Variants in TRIM33 observed in about 807,000 individuals in gnomAD.
TRIM33 encodes E3 ubiquitin-protein ligase TRIM33.
TRIM33 carries 20 observed loss-of-function variants against 125.4 expected under a neutral mutation model. That is an observed-to-expected ratio of 0.16 (90% CI 0.11 to 0.23). The LOEUF (loss-of-function observed/expected upper bound fraction) is 0.23. Among genes scored for constraint, TRIM33 ranks in the 10% least tolerant of loss-of-function variants. The probability of loss-of-function intolerance (pLI) is 1.00; values close to 1 mark genes in which losing one functional copy is unlikely to be tolerated. For synonymous variants in TRIM33, 564 were observed against 513.9 expected (o/e 1.10, Z -1.32); for missense variants, 920 against 1,411.4 (o/e 0.65, Z 5.58).
At position 114,397,558 on chromosome 1, in the gene TRIM33, G is replaced by C. The variant is rs1166155094; in HGVS notation, c.*90C>G. 8 of 963,984 alleles carry C rather than the reference G, an allele frequency of 8.3e-6. No individual in the cohort carries two copies. Among genetic ancestry groups the C allele is most frequent in the Non-Finnish European group, 1.2e-5 (8 of 647,962 alleles). 59.7% of individuals were successfully genotyped at this position (963,984 alleles called of 1,614,324 possible). On this transcript the variant is annotated 3_prime_UTR_variant, in exon 20 of 20. Coordinates refer to ENST00000358465, the MANE Select transcript of TRIM33 (RefSeq NM_015906.4). ...TGCCCACTGTAGGCAGGATATTCCA[G>C]CAACACTTAAAAGTTTTCTGGGTTT... is the stretch of plus-strand genomic sequence containing the variant.
Position 114,510,937 on chromosome 1 carries a change from T to C in TRIM33, c.140A>G (p.Glu47Gly). Residue 47 changes from glutamate to glycine, a missense_variant, in exon 1 of 20, where the codon GAG becomes GGG. This residue lies in a region of TRIM33 where 233 missense variants were observed against 189.6 expected (regional missense o/e 1.23). Coordinates refer to ENST00000358465, the MANE Select transcript of TRIM33 (RefSeq NM_015906.4). Reference protein sequence around the residue: ...PLTAVLVEEEEEEGGRAGAEG... With the variant: ...PLTAVLVEEEGEEGGRAGAEG... ...AGCGCCGGCCCTGCCGCCTTCCTCC[T>C]CCTCCTCCTCCACCAGCACCGCGGT... The C allele has an allele frequency of 7.1e-7, 1 of 1,418,116 alleles. No homozygotes were observed. 87.8% of individuals were successfully genotyped at this position (1,418,116 alleles called of 1,614,324 possible). A position where few individuals can be genotyped will look rare whatever the true frequency, so the allele number is the denominator to read the frequency against.
At chr1:114,441,309 AAGTATGT>A (rs1305221594) in intron 4 of TRIM33, among the ~76,000 whole-genome samples, 1 of 152,172 alleles carries the variant, frequency 6.6e-6, no homozygotes, top group Non-Finnish European at 1.5e-5. Flanking sequence ...AAAAATAAAA[AAGTATGT>A]AGTCATTATT....
intron 4 of TRIM33, among the ~76,000 whole-genome samples, chr1:114,453,355 CTG>C (rs1273888983): frequency 6.8e-6 from 1 of 146,388 alleles, no homozygotes; most frequent in Non-Finnish European, 1.5e-5. Context: ...CAGAGAGAGT[CTG>C]TCTCAGGAAA....
chr1:114,436,187 G>C (rs1648280020), intron 4 of TRIM33, among the ~76,000 whole-genome samples: 1 of 151,506 alleles, frequency 6.6e-6, no homozygotes, highest in African/African-American at 2.4e-5. Flanking sequence ...TGGATAACGA[G>C]GTCAGGAGAT....
At chr1:114,482,485 G>T (rs906521384) in intron 1 of TRIM33, among the ~76,000 whole-genome samples, 1 of 152,154 alleles carries the variant, frequency 6.6e-6, no homozygotes, top group African/African-American at 2.4e-5. Flanking sequence ...GAGATGGGGG[G>T]AGATAGAGAA....
At chr1:114,503,073 A>C (rs1652803416) in intron 1 of TRIM33, among the ~76,000 whole-genome samples, 1 of 152,226 alleles carries the variant, frequency 6.6e-6, no homozygotes, top group African/African-American at 2.4e-5. Flanking sequence ...CATTGTGTGG[A>C]TATTTTTCTT....
intron 4 of TRIM33, among the ~76,000 whole-genome samples, chr1:114,454,673 T>TAA (rs34493715): frequency 0.049 from 6,486 of 131,990 alleles, 187 homozygotes; most frequent in African/African-American, 0.077. Flanking sequence ...AAGACTCCTC[T>TAA]AAAAAAAAAA....
chr1:114,431,655 T>C (rs1187162096), intron 5 of TRIM33, among the ~76,000 whole-genome samples: 8 of 152,218 alleles, frequency 5.3e-5, no homozygotes, highest in Admixed American at 5.2e-4. Flanking sequence ...TTATACATTC[T>C]ACTTCTGTAA....
At chr1:114,413,118 C>A (rs1652693743) in intron 11 of TRIM33, among the ~76,000 whole-genome samples, 2 of 152,162 alleles carry the variant, frequency 1.3e-5, no homozygotes, top group Admixed American at 1.3e-4. Context: ...ATGATCTTAA[C>A]ATCTTTTCAC....
Position 114,409,768 on chromosome 1 carries a change from G to A in TRIM33, c.2194+416C>T, listed in dbSNP as rs1230794. Among the ~76,000 whole-genome samples, 506 of 152,282 alleles carry A rather than the reference G, an allele frequency of 3.3e-3. 3 individuals are homozygous for A. The highest frequency in any genetic ancestry group is 0.011 in the African/African-American group (470 of 41,566). On this transcript the variant is annotated intron_variant, in intron 12 of 19. Transcript: ENST00000358465. ...GTTTGGCCAAACATCAGTATAGATG[G>A]TACTGTGAAGGTATTTTTTTAGATG...
At chr1:114,478,663 A>G (rs1024702194) in intron 1 of TRIM33, among the ~76,000 whole-genome samples, 5 of 152,332 alleles carry the variant, frequency 3.3e-5, no homozygotes, top group Non-Finnish European at 7.3e-5. Context: ...GCCTCAACAA[A>G]TAAGAAGTCT....
chr1:114,425,307 A>G (rs1647492556), intron 9 of TRIM33, 142 bp downstream of exon 9: 1 of 1,133,280 alleles, frequency 8.8e-7, no homozygotes, highest in Non-Finnish European at 1.3e-6. Flanking sequence ...CATCATAACC[A>G]TAGCAAATAT....
intron 5 of TRIM33, among the ~76,000 whole-genome samples, chr1:114,431,714 G>A (rs1464294877): frequency 2.0e-5 from 3 of 152,150 alleles, no homozygotes; most frequent in Non-Finnish European, 4.4e-5. Context: ...CATTTGCCAA[G>A]TTCGAATTTA....
rs2101066155 is a variant in TRIM33 at position 114,394,956 on chromosome 1, CT to C, written c.*2691del. The C allele has an allele frequency of 5.1e-6, 1 of 195,910 alleles. No individual in the cohort carries two copies. Among genetic ancestry groups the C allele is most frequent in the East Asian group, 8.0e-5 (1 of 12,456 alleles). The allele number at this position is 195,910 out of a possible 1,614,324, so 12.1% of individuals were successfully genotyped here. A position where few individuals can be genotyped will look rare whatever the true frequency, so the allele number is the denominator to read the frequency against. On this transcript the variant is annotated 3_prime_UTR_variant, in exon 20 of 20. Coordinates refer to ENST00000358465, the MANE Select transcript of TRIM33 (RefSeq NM_015906.4). The stretch of plus-strand genomic sequence containing the variant: ...ACTTTTCTCCAAATCTTCTAAAATA[CT>C]GCCATTTAAAAAACAAATACAAATG...
At position 114,394,694 on chromosome 1, in the gene TRIM33, T is replaced by A; in HGVS notation, c.*2954A>T. The A allele has an allele frequency of 5.0e-6, 1 of 201,380 alleles. No homozygotes were observed. The highest frequency in any genetic ancestry group is 1.0e-5 in the Non-Finnish European group (1 of 97,754). 12.5% of individuals were successfully genotyped at this position (201,380 alleles called of 1,614,324 possible). ...CCTTATCATTTCTCTGTAGTAATGG[T>A]TTGATGTTTCCATATAGAGCACGAC... On this transcript the variant is annotated 3_prime_UTR_variant, in exon 20 of 20. Transcript: ENST00000358465.
rs2101066932 is a variant in TRIM33 at position 114,395,265 on chromosome 1, A to G, written c.*2383T>C. 4.9e-6 allele frequency: 1 copy of G among 204,906 alleles called. No individual in the cohort carries two copies. Among genetic ancestry groups the G allele is most frequent in the East Asian group, 7.5e-5 (1 of 13,336 alleles). 12.7% of individuals were successfully genotyped at this position (204,906 alleles called of 1,614,324 possible). ...CAGCAGTATACATTATCTTAACAGA[A>G]GTGGAGGCTATTAAATGTTGACAAA... On this transcript the variant is annotated 3_prime_UTR_variant, in exon 20 of 20. Coordinates refer to ENST00000358465, the MANE Select transcript of TRIM33 (RefSeq NM_015906.4).
chr1:114,407,990 G>A (rs907412115), intron 13 of TRIM33, among the ~76,000 whole-genome samples: 11 of 152,028 alleles, frequency 7.2e-5, no homozygotes, highest in African/African-American at 2.4e-4. Flanking sequence ...GATTATTAAC[G>A]GTTGCCATCA....
chr1:114,447,215 A>G (rs1421069232), intron 4 of TRIM33, among the ~76,000 whole-genome samples: 1 of 152,210 alleles, frequency 6.6e-6, no homozygotes, highest in Admixed American at 6.5e-5. Flanking sequence ...TACTGCAGTA[A>G]TCTAGGCAAG....
chr1:114,406,058 A>G (rs1652211395), intron 14 of TRIM33, among the ~76,000 whole-genome samples: 1 of 152,180 alleles, frequency 6.6e-6, no homozygotes, highest in Admixed American at 6.5e-5. Flanking sequence ...TCCTTGAGAG[A>G]GCTAATTATG....
Sources: gnomAD v4.1 joint callset for allele counts (sites outside exome capture counted in the v4.1 genomes callset) on GRCh38, gnomAD v4.1.1 for gene constraint, gnomAD v4.1.1 regional missense constraint, MANE v1.5 for transcripts, NCBI Gene and HGNC (gene_info 2026-07-23, HGNC 2026-07-21) for gene names.